The following HECW2 variants were observed in gnomAD, a reference collection of about 807,000 sequenced individuals.
The protein encoded by HECW2 is HECT, C2 and WW domain containing E3 ubiquitin protein ligase 2.
A neutral mutation model predicts 175.2 loss-of-function variants in HECW2; 61 were observed. The ratio of observed to expected loss-of-function variants is 0.35; its 90% CI spans 0.28 to 0.43. The LOEUF (loss-of-function observed/expected upper bound fraction) is 0.43. HECW2 is among the 20% of genes least tolerant of loss of function. HECW2 has a pLI of 1.00. For missense variants in HECW2, 1,524 were observed against 2,000.5 expected (o/e 0.76, Z 4.54); for synonymous variants, 671 against 731.0 (o/e 0.92, Z 1.32).
chr2:196,348,831 G>A (rs1421327748), intron 2 of HECW2, among the ~76,000 whole-genome samples: 1 of 152,016 alleles, frequency 6.6e-6, no homozygotes, highest in African/African-American at 2.4e-5. Flanking sequence ...TCCCTTTCTC[G>A]TTTCTCTTAA....
intron 2 of HECW2, among the ~76,000 whole-genome samples, chr2:196,356,010 A>G (rs1444377215): frequency 6.6e-6 from 1 of 152,200 alleles, no homozygotes; most frequent in African/African-American, 2.4e-5. Context: ...CCTGAAACAG[A>G]AGCAAGCCTA....
chr2:196,555,393 G>A (rs991027548), intron 1 of HECW2, among the ~76,000 whole-genome samples: 3 of 151,948 alleles, frequency 2.0e-5, no homozygotes, highest in Non-Finnish European at 4.4e-5. Context: ...TTTTCATGAG[G>A]GCTCCATTGT....
At chr2:196,572,572 T>C (rs1346204898) in intron 1 of HECW2, among the ~76,000 whole-genome samples, 1 of 152,204 alleles carries the variant, frequency 6.6e-6, no homozygotes, top group East Asian at 1.9e-4. Context: ...CATTTAAAAA[T>C]AGTTTAAGAT....
At chr2:196,389,340 G>C (rs1342175345) in intron 2 of HECW2, among the ~76,000 whole-genome samples, 1 of 152,168 alleles carries the variant, frequency 6.6e-6, no homozygotes, top group East Asian at 1.9e-4. Flanking sequence ...TTTCTAAAAT[G>C]CATTTTGAGA....
chr2:196,361,866 A>T (rs1057441534), intron 2 of HECW2: 3 of 985,264 alleles, frequency 3.0e-6, no homozygotes, highest in Non-Finnish European at 3.6e-6. Flanking sequence ...CTTAGGCAGC[A>T]GCAAGAAGAA....
At chr2:196,422,433 C>T (rs1215881540) in intron 2 of HECW2, among the ~76,000 whole-genome samples, 2 of 152,078 alleles carry the variant, frequency 1.3e-5, no homozygotes, top group African/African-American at 2.4e-5. Context: ...CTCTCTTCCC[C>T]TGACACTTGC....
chr2:196,288,671 A>G (rs906765928), intron 14 of HECW2: 1 of 152,210 alleles, frequency 6.6e-6, no homozygotes, highest in East Asian at 1.9e-4. Flanking sequence ...CAAACTGATG[A>G]GATTTTTTGG....
intron 23 of HECW2, among the ~76,000 whole-genome samples, chr2:196,224,861 C>T (rs888926277): frequency 6.6e-6 from 1 of 152,140 alleles, no homozygotes; most frequent in Non-Finnish European, 1.5e-5. Flanking sequence ...AGACAGAAAA[C>T]GGCACCTGTT....
chr2:196,544,505 G>A (rs1689342171), intron 1 of HECW2, among the ~76,000 whole-genome samples: 1 of 152,156 alleles, frequency 6.6e-6, no homozygotes, highest in African/African-American at 2.4e-5. Flanking sequence ...ATCCAGTTGG[G>A]GGGCACTGGA....
chr2:196,268,818 G>T (rs1689617850), intron 17 of HECW2, among the ~76,000 whole-genome samples: 1 of 152,172 alleles, frequency 6.6e-6, no homozygotes, highest in Non-Finnish European at 1.5e-5. Context: ...AAAAGAGGAA[G>T]AATTTTGTTT....
In HECW2 at chr2:196,302,509, T is replaced by C. The variant is rs567299583; in HGVS notation, c.2814+3979A>G. 4.6e-5 allele frequency among the ~76,000 whole-genome samples: 7 copies of C among 152,328 alleles called. No homozygotes were observed. The South Asian group carries it at 1.5e-3, about 32-fold the overall frequency. The stretch of plus-strand genomic sequence containing the variant: ...TGAATCTATAAATTACTTTGGTCAA[T>C]ATGGCCATTTTCATGATATTGATTC... On this transcript the variant is annotated intron_variant, in intron 13 of 28. Transcript: ENST00000644978.
chr2:196,541,731 GT>G (rs200576096), intron 1 of HECW2, among the ~76,000 whole-genome samples: 22,111 of 146,890 alleles, frequency 0.15, 1,688 homozygotes, highest in Middle Eastern at 0.26. Flanking sequence ...ACATTTAAAG[GT>G]TTTTTTTTTT....
intron 1 of HECW2, among the ~76,000 whole-genome samples, chr2:196,545,451 T>C (rs1689378696): frequency 1.3e-5 from 2 of 152,140 alleles, no homozygotes; most frequent in African/African-American, 4.8e-5. Flanking sequence ...AACATCACTA[T>C]CTCTTGCAAA....
intron 2 of HECW2, among the ~76,000 whole-genome samples, chr2:196,396,991 T>A (rs1236975797): frequency 6.6e-6 from 1 of 151,824 alleles, no homozygotes; most frequent in Admixed American, 6.6e-5. Context: ...CGGGCACCTG[T>A]AGTCCCACCT....
rs1688643458 is a variant in HECW2, at chr2:196,246,400, T to TC, written c.3530-4197dup. On this transcript the variant is annotated intron_variant, in intron 19 of 28. Coordinates refer to ENST00000644978, the MANE Select transcript of HECW2 (RefSeq NM_001348768.2). Reference sequence around the variant, plus strand: ...AGACACAAAAGAAACTTTTTTTTTTTCTTTAGACGGAGTCTCACTCTGTCG... The same window carrying TC: ...AGACACAAAAGAAACTTTTTTTTTTTCCTTTAGACGGAGTCTCACTCTGTCG... Among the ~76,000 whole-genome samples the TC allele has an allele frequency of 3.3e-5, 5 of 152,238 alleles. No individual in the cohort carries two copies. In the South Asian group the frequency reaches 8.3e-4, roughly 25 times the overall value.
Position 196,518,654 on chromosome 2 carries a change from C to CAA in HECW2, c.-36+74852_-36+74853dup, listed in dbSNP as rs747681637. On this transcript the variant is annotated intron_variant, in intron 1 of 28. Coordinates refer to ENST00000644978, the MANE Select transcript of HECW2 (RefSeq NM_001348768.2). ...TAGGCAACAGAGCGAGATTCTGTCTCAAAAAAAAAAAAAAAAAAAAAAAAC... is the reference window on the plus strand; with the variant it reads ...TAGGCAACAGAGCGAGATTCTGTCTCAAAAAAAAAAAAAAAAAAAAAAAAAAC... 5.3e-3 allele frequency among the ~76,000 whole-genome samples: 404 copies of CAA among 76,760 alleles called. 4 individuals are homozygous for CAA. Among genetic ancestry groups the CAA allele is most frequent in the African/African-American group, 7.1e-3 (188 of 26,590 alleles). The allele number at this position is 76,760 out of a possible 152,430, so 50.4% of individuals were successfully genotyped here.
chr2:196,202,294 T>G (rs879674575), intron 28 of HECW2, among the ~76,000 whole-genome samples: 6 of 152,338 alleles, frequency 3.9e-5, no homozygotes, highest in Admixed American at 2.0e-4. Context: ...AAGTCACATG[T>G]CTATACTTTT....
intron 1 of HECW2, among the ~76,000 whole-genome samples, chr2:196,585,012 T>C (rs1277587369): frequency 6.6e-6 from 1 of 152,206 alleles, no homozygotes. Context: ...TCTAACTCTC[T>C]AATAAAAAAA....
At chr2:196,365,445 C>A (rs1693717682) in intron 2 of HECW2, among the ~76,000 whole-genome samples, 1 of 152,190 alleles carries the variant, frequency 6.6e-6, no homozygotes, top group Non-Finnish European at 1.5e-5. Context: ...ATTATTGAAG[C>A]CTCACTGGAT....
Sources: gnomAD v4.1 joint callset for allele counts (sites outside exome capture counted in the v4.1 genomes callset) on GRCh38, gnomAD v4.1.1 for gene constraint, MANE v1.5 for transcripts, NCBI Gene and HGNC (gene_info 2026-07-23, HGNC 2026-07-21) for gene names.